The following MRTFA variants were observed in gnomAD, a reference collection of about 807,000 sequenced individuals.
MRTFA encodes myocardin-related transcription factor A.
Under a neutral mutation model 83.5 loss-of-function variants are expected in MRTFA, and 20 were observed. The observed-to-expected ratio is 0.24, with a 90% CI of 0.17 to 0.35. The LOEUF (loss-of-function observed/expected upper bound fraction) is 0.35. Ranked by LOEUF, MRTFA falls within the 10% of genes least tolerant of loss-of-function variation. The pLI is 1.00. For missense variants in MRTFA, 1,200 were observed against 1,224.7 expected, an observed-to-expected ratio of 0.98 and a Z score of 0.30; for synonymous variants, 659 against 541.2, an observed-to-expected ratio of 1.22 and a Z score of -3.02.
At chr22:40,594,283 A>AT (rs1792582309) in intron 2 of MRTFA, among the ~76,000 whole-genome samples, 1 of 152,230 alleles carries the variant, frequency 6.6e-6, no homozygotes, top group African/African-American at 2.4e-5. Context: ...AGTGATCAGA[A>AT]TAAGCTAGCC....
intron 1 of MRTFA, among the ~76,000 whole-genome samples, chr22:40,597,280 T>G (rs1221907287): frequency 2.6e-5 from 4 of 152,248 alleles, no homozygotes. Context: ...AAAGCTAGTG[T>G]ACTTCTACAT....
At chr22:40,492,696 T>C (rs1370512500) in intron 3 of MRTFA, among the ~76,000 whole-genome samples, 1 of 152,144 alleles carries the variant, frequency 6.6e-6, no homozygotes, top group African/African-American at 2.4e-5. Context: ...ACTGGACACA[T>C]TCATCTTTAA....
At position 40,463,287 on chromosome 22, in the gene MRTFA, C is replaced by A; in HGVS notation, c.242-1G>T. On this transcript the variant is annotated splice_acceptor_variant, in intron 3 of 14. Transcript: ENST00000355630. LOFTEE classifies it high-confidence loss of function. The stretch of plus-strand genomic sequence containing the variant: ...CGCTGCTGGAGTTTCAACTGTAGCA[C>A]TGCAGGGCAGCAGAGAGAGAGGAGA... 1 of 1,613,902 alleles carries A rather than the reference C, an allele frequency of 6.2e-7. No individual in the cohort carries two copies.
At chr22:40,437,236 T>C (rs554117629) in intron 4 of MRTFA, among the ~76,000 whole-genome samples, 5 of 152,282 alleles carry the variant, frequency 3.3e-5, no homozygotes, top group East Asian at 1.9e-4. Flanking sequence ...AGACACCCCC[T>C]GCACCTGCTT....
chr22:40,604,398 G>A (rs569617520), intron 1 of MRTFA, among the ~76,000 whole-genome samples: 160 of 151,764 alleles, frequency 1.1e-3, no homozygotes, highest in African/African-American at 3.7e-3. Flanking sequence ...CCAAAGTGCT[G>A]ACATTACAGG....
intron 2 of MRTFA, among the ~76,000 whole-genome samples, chr22:40,554,349 G>A (rs771973869): frequency 6.6e-6 from 1 of 152,206 alleles, no homozygotes; most frequent in Non-Finnish European, 1.5e-5. Flanking sequence ...ACCTTGAACT[G>A]TAGTTCCCAT....
intron 3 of MRTFA, among the ~76,000 whole-genome samples, chr22:40,469,898 C>A (rs1321990850): frequency 3.3e-5 from 5 of 151,882 alleles, no homozygotes; most frequent in Non-Finnish European, 7.4e-5. Context: ...GGCAAAATAG[C>A]AAGACCCCCA....
chr22:40,423,812 A>G, intron 8 of MRTFA, 127 bp from the exon 9 acceptor site: 1 of 888,270 alleles, frequency 1.1e-6, no homozygotes, highest in Non-Finnish European at 1.6e-6. Flanking sequence ...CAGAGACCGG[A>G]GGAGGAGAAG....
chr22:40,431,344 A>G (rs1051124256), intron 6 of MRTFA, 61 bp downstream of exon 6: 12 of 1,453,992 alleles, frequency 8.3e-6, no homozygotes, highest in Non-Finnish European at 1.2e-5. Context: ...TGGGTAGTGC[A>G]GTAGTGAGTA....
At chr22:40,598,826 TAA>T (rs34817595) in intron 1 of MRTFA, among the ~76,000 whole-genome samples, 66 of 136,760 alleles carry the variant, frequency 4.8e-4, no homozygotes, top group Non-Finnish European at 5.2e-4. Flanking sequence ...GTCGCTACTT[TAA>T]AAAAAAAAAA....
intron 4 of MRTFA, among the ~76,000 whole-genome samples, chr22:40,448,236 G>A (rs1489396822): frequency 2.0e-5 from 3 of 152,216 alleles, no homozygotes; most frequent in Non-Finnish European, 4.4e-5. Flanking sequence ...CTTGAACCCG[G>A]GTAGCGGAGG....
At chr22:40,450,735 G>T (rs1237166780) in intron 4 of MRTFA, among the ~76,000 whole-genome samples, 1 of 152,132 alleles carries the variant, frequency 6.6e-6, no homozygotes, top group Non-Finnish European at 1.5e-5. Flanking sequence ...TGGGATTACA[G>T]GCTTGAGCCA....
At chr22:40,617,146 G>T (rs1160332980) in intron 1 of MRTFA, among the ~76,000 whole-genome samples, 1 of 113,184 alleles carries the variant, frequency 8.8e-6, no homozygotes, top group Non-Finnish European at 1.8e-5. Flanking sequence ...ACGAGAGAAG[G>T]AAGGAAGGAA....
intron 1 of MRTFA, among the ~76,000 whole-genome samples, chr22:40,635,091 T>C (rs948388310): frequency 6.6e-6 from 1 of 152,238 alleles, no homozygotes; most frequent in Non-Finnish European, 1.5e-5. Flanking sequence ...TTCTAAATCA[T>C]TTCAATAAGA....
intron 1 of MRTFA, among the ~76,000 whole-genome samples, chr22:40,614,253 A>T (rs1190434628): frequency 1.3e-4 from 19 of 151,164 alleles, no homozygotes; most frequent in Admixed American, 1.3e-3. Flanking sequence ...AAAATAAAAA[A>T]ATTTTATGTT....
chr22:40,493,403 A>G (rs1012343617), intron 3 of MRTFA, among the ~76,000 whole-genome samples: 1 of 152,226 alleles, frequency 6.6e-6, no homozygotes, highest in Non-Finnish European at 1.5e-5. Flanking sequence ...AAAGTATAAG[A>G]ATCAAAAGTG....
chr22:40,472,813 G>C (rs1292578165), intron 3 of MRTFA, among the ~76,000 whole-genome samples: 1 of 152,166 alleles, frequency 6.6e-6, no homozygotes, highest in Admixed American at 6.5e-5. Context: ...CAGGGCAACA[G>C]AGACCACAAC....
intron 3 of MRTFA, among the ~76,000 whole-genome samples, chr22:40,493,598 AT>A (rs2054304556): frequency 6.6e-6 from 1 of 152,170 alleles, no homozygotes; most frequent in African/African-American, 2.4e-5. Flanking sequence ...TTAAGCAACA[AT>A]TTTTCCAGCA....
In MRTFA at chr22:40,474,396, T is replaced by C. The variant is rs932438884; in HGVS notation, c.242-11110A>G. Among the ~76,000 whole-genome samples the C allele has an allele frequency of 4.6e-5, 7 of 152,366 alleles. No individual in the cohort carries two copies. The East Asian group carries it at 1.2e-3, about 25-fold the overall frequency. The stretch of plus-strand genomic sequence containing the variant: ...GCTCTTTATATTAATATACAGTCAA[T>C]TGTTTACGATGCTAAAACTCTTTGA... On this transcript the variant is annotated intron_variant, in intron 3 of 14. Transcript: ENST00000355630.
Sources: allele counts gnomAD v4.1 joint callset (sites outside exome capture counted in the v4.1 genomes callset), GRCh38; gene constraint gnomAD v4.1.1; transcripts MANE v1.5; gene names NCBI Gene and HGNC (gene_info 2026-07-23, HGNC 2026-07-21).